The following PITPNM3 variants were observed in gnomAD, a reference collection of about 807,000 sequenced individuals.
PITPNM3 encodes PITPNM family member 3.
A neutral mutation model predicts 102.0 loss-of-function variants in PITPNM3; 26 were observed. The observed-to-expected ratio is 0.25, with a 90% confidence interval of 0.19 to 0.35. PITPNM3 has a LOEUF of 0.35. Ranked by LOEUF, PITPNM3 falls within the 10% of genes least tolerant of loss-of-function variation. PITPNM3 has a pLI of 1.00. For synonymous variants in PITPNM3, 578 were observed against 558.6 expected, an observed-to-expected ratio of 1.03 and a Z score of -0.49; for missense variants, 1,083 against 1,346.1, an observed-to-expected ratio of 0.80 and a Z score of 3.06.
At chr17:6,473,450 G>A (rs1905155363) in intron 10 of PITPNM3, among the ~76,000 whole-genome samples, 1 of 152,158 alleles carries the variant, frequency 6.6e-6, no homozygotes, top group South Asian at 2.1e-4. Flanking sequence ...GGCAGCCATG[G>A]GGTTCTGCCT....
intron 4 of PITPNM3, among the ~76,000 whole-genome samples, chr17:6,488,880 G>T (rs750466997): frequency 6.6e-6 from 1 of 152,198 alleles, no homozygotes; most frequent in African/African-American, 2.4e-5. Flanking sequence ...CTGGGTCCCT[G>T]CAGTGCCCAG....
Position 6,483,680 on chromosome 17 carries a change from T to C in PITPNM3, c.424A>G (p.Thr142Ala). Reference sequence around the variant, plus strand: ...TTGCAGGACGGGTCCCCGGCACCCGTGTCCAGGATGTTTCCCCCATGCAGG... The same window carrying C: ...TTGCAGGACGGGTCCCCGGCACCCGCGTCCAGGATGTTTCCCCCATGCAGG... The part of the protein sequence containing the change: ...LVLHGGNILD[T>A]GAGDPSCKAA... The change falls in exon 6 of 20, where the codon ACG becomes GCG. Residue 142 changes from threonine (T) to alanine (A), a missense_variant. Physicochemically the swap from Thr to Ala is moderately conservative, Grantham distance 58. Coordinates refer to ENST00000262483, the MANE Select transcript of PITPNM3 (RefSeq NM_031220.4). The C allele has an allele frequency of 6.2e-7, 1 of 1,614,052 alleles. No homozygotes were observed. The highest frequency in any genetic ancestry group is 1.1e-5 in the South Asian group (1 of 91,066).
intron 15 of PITPNM3, 52 bp downstream of exon 15, chr17:6,464,603 G>A: frequency 6.5e-7 from 1 of 1,527,358 alleles, no homozygotes. Context: ...GGCTCCATGA[G>A]GCACCTGGTG....
In PITPNM3 at chr17:6,451,981, A is replaced by T. The variant is rs1025568019; in HGVS notation, c.*3357T>A. The T allele has an allele frequency of 1.3e-4, 18 of 139,052 alleles. No homozygotes were observed. The highest frequency in any genetic ancestry group is 4.8e-4 in the African/African-American group (18 of 37,208). The allele number at this position is 139,052 out of a possible 1,614,324, so 8.6% of individuals were successfully genotyped here. On this transcript the variant is annotated 3_prime_UTR_variant, in exon 20 of 20. Transcript: ENST00000262483. The stretch of plus-strand genomic sequence containing the variant: ...ACCTGGGCTAGGGGGGAGAGTGAGG[A>T]TGCAGAGGACCCACGTGCCTCATGA...
intron 6 of PITPNM3, among the ~76,000 whole-genome samples, chr17:6,482,048 C>CTG (rs1567670413): frequency 9.7e-6 from 1 of 102,868 alleles, no homozygotes; most frequent in Non-Finnish European, 2.4e-5. Context: ...CTGTCTCTCT[C>CTG]TCTCTCTCTC....
At chr17:6,516,281 T>C (rs1307655432) in intron 3 of PITPNM3, among the ~76,000 whole-genome samples, 4 of 152,096 alleles carry the variant, frequency 2.6e-5, no homozygotes, top group African/African-American at 4.8e-5. Flanking sequence ...AAGAAATACT[T>C]GGCCGGGCGC....
intron 1 of PITPNM3, among the ~76,000 whole-genome samples, chr17:6,549,635 T>C (rs1446204052): frequency 2.0e-5 from 3 of 152,208 alleles, no homozygotes; most frequent in Non-Finnish European, 2.9e-5. Flanking sequence ...TCACTAAGCC[T>C]CCTATTCCAT....
chr17:6,482,654 G>C (rs1269081251), intron 6 of PITPNM3, among the ~76,000 whole-genome samples: 1 of 152,128 alleles, frequency 6.6e-6, no homozygotes, highest in Non-Finnish European at 1.5e-5. Flanking sequence ...GTGGGACCAA[G>C]CTCTCACCCC....
At chr17:6,501,224 T>C (rs1033277626) in intron 4 of PITPNM3, among the ~76,000 whole-genome samples, 1 of 152,138 alleles carries the variant, frequency 6.6e-6, no homozygotes, top group South Asian at 2.1e-4. Context: ...AGATGATTGG[T>C]TCTTTTCCTC....
rs1363695969 is a variant in PITPNM3 at position 6,457,266 on chromosome 17, G to A, written c.2619+328C>T. On this transcript the variant is annotated intron_variant, in intron 19 of 19. Coordinates refer to ENST00000262483, the MANE Select transcript of PITPNM3 (RefSeq NM_031220.4). The surrounding 1 kb of genome is among the most constrained non-coding windows in gnomAD (Gnocchi z 4.7). ...AACCCAACCTTGCCCTGGAGTCTGG[G>A]TTAGCGGTCCCTCTCCAGGGCCCCA... Among the ~76,000 whole-genome samples the A allele has an allele frequency of 1.3e-5, 2 of 152,172 alleles. No individual in the cohort carries two copies. Among genetic ancestry groups the A allele is most frequent in the Non-Finnish European group, 2.9e-5 (2 of 68,030 alleles).
In PITPNM3 at chr17:6,477,017, G is replaced by GGGAGGGGCTACCTT. The variant is rs765803341; in HGVS notation, c.1083_1085+11dup. ...GCCAAGGTCTTCTTGCTTCTGGACA[G>GGGAGGGGCTACCTT]GGAGGGGCTACCTTGAGAGGAAGGC... On this transcript the variant is annotated intron_variant, in intron 9 of 19. Transcript: ENST00000262483. 4.0e-5 allele frequency: 64 copies of GGGAGGGGCTACCTT among 1,613,790 alleles called. 1 individual carries two copies. The highest frequency in any genetic ancestry group is 4.5e-5 in the Non-Finnish European group (53 of 1,179,968).
chr17:6,502,336 C>T (rs1427458172), intron 4 of PITPNM3, among the ~76,000 whole-genome samples: 1 of 152,148 alleles, frequency 6.6e-6, no homozygotes, highest in Admixed American at 6.5e-5. Flanking sequence ...GCCTGTAATC[C>T]CAGCCACTCA....
chr17:6,516,662 C>T (rs948494346), intron 3 of PITPNM3, among the ~76,000 whole-genome samples: 5 of 151,602 alleles, frequency 3.3e-5, no homozygotes, highest in Admixed American at 2.0e-4. Flanking sequence ...ATGGCATGAC[C>T]AACAAACACC....
chr17:6,528,870 G>C (rs1908990194), intron 2 of PITPNM3, among the ~76,000 whole-genome samples: 1 of 152,138 alleles, frequency 6.6e-6, no homozygotes, highest in African/African-American at 2.4e-5. Flanking sequence ...GAGCCATTCA[G>C]GCAAAGAGGG....
At position 6,476,889 on chromosome 17, in the gene PITPNM3, G is replaced by A. The variant is rs1032322874; in HGVS notation, c.1085+140C>T. The A allele has an allele frequency of 2.6e-5, 27 of 1,046,490 alleles. No individual in the cohort carries two copies. In the South Asian group the frequency reaches 2.6e-4, roughly 10 times the overall value. 64.8% of individuals were successfully genotyped at this position (1,046,490 alleles called of 1,614,324 possible). A position where few individuals can be genotyped will look rare whatever the true frequency, so the allele number is the denominator to read the frequency against. ...GGCTGTGGTCCCTCAGTACAGGGCC[G>A]ATGGCGAGTGGCCTTGGTCCCAGCA... is the stretch of plus-strand genomic sequence containing the variant. On this transcript the variant is annotated intron_variant, in intron 9 of 19. Coordinates refer to ENST00000262483, the MANE Select transcript of PITPNM3 (RefSeq NM_031220.4).
chr17:6,470,242 C>A lies in PITPNM3; in HGVS notation c.1773+18G>T, dbSNP rs372584923. 35 of 1,588,446 alleles carry A rather than the reference C, an allele frequency of 2.2e-5. No homozygotes were observed. The South Asian group carries it at 3.9e-4, about 18-fold the overall frequency. ...CTTGGGGTGGCTGTGGGCAGGCCCG[C>A]GACTGCGGCAGCAGTACCTGTCTCA... On this transcript the variant is annotated intron_variant, in intron 13 of 19. Transcript: ENST00000262483. This position sits in a 1 kb window ranked among gnomAD's most constrained non-coding sequence, Gnocchi z 4.8.
chr17:6,464,818 A>C (rs1440208198), intron 14 of PITPNM3, 47 bp from the exon 15 acceptor site: 1 of 1,571,846 alleles, frequency 6.4e-7, no homozygotes, highest in South Asian at 1.1e-5. Context: ...AGGGAGGCTC[A>C]ACCTTGCTTT....
At chr17:6,456,451 C>G (rs1914120774) in intron 19 of PITPNM3, among the ~76,000 whole-genome samples, 1 of 152,150 alleles carries the variant, frequency 6.6e-6, no homozygotes, top group Non-Finnish European at 1.5e-5. Flanking sequence ...CCTTGCCAGT[C>G]CTTCTGGCTG....
intron 4 of PITPNM3, among the ~76,000 whole-genome samples, chr17:6,486,411 T>G (rs1319857526): frequency 6.6e-6 from 1 of 152,150 alleles, no homozygotes; most frequent in African/African-American, 2.4e-5. Context: ...CTAGGCACCC[T>G]GTCAACATCC....
Sources: gnomAD v4.1 joint callset for allele counts (sites outside exome capture counted in the v4.1 genomes callset) on GRCh38, gnomAD v4.1.1 for gene constraint, Gnocchi (gnomAD v3.1) non-coding constraint, MANE v1.5 for transcripts, NCBI Gene and HGNC (gene_info 2026-07-23, HGNC 2026-07-21) for gene names.